The following MLXIP variants were observed in gnomAD, a reference collection of about 807,000 sequenced individuals.
MLXIP encodes MLX interacting protein.
Under a neutral mutation model 87.2 loss-of-function variants are expected in MLXIP, and 30 were observed. That is an observed-to-expected ratio of 0.34 (90% confidence interval 0.26 to 0.47). The LOEUF is 0.47. Ranked by LOEUF, MLXIP falls within the 20% of genes least tolerant of loss-of-function variation. The pLI is 1.00. For synonymous variants in MLXIP, 530 were observed against 514.0 expected, an observed-to-expected ratio of 1.03 and a Z score of -0.42; for missense variants, 1,002 against 1,240.1, an observed-to-expected ratio of 0.81 and a Z score of 2.88.
chr12:122,135,046 T>C lies in MLXIP; in HGVS notation c.1733-178T>C, dbSNP rs1464421383. On this transcript the variant is annotated intron_variant, in intron 9 of 16. Transcript: ENST00000319080. The surrounding 1 kb of genome is among the most constrained non-coding windows in gnomAD (Gnocchi z 5.3). ...TGGTCCTGGCCATCTCTTTCCTGGG[T>C]CTATAACATGTCTCCTTCAAGAAGT... is the stretch of plus-strand genomic sequence containing the variant. 1 of 692,466 alleles carries C rather than the reference T, an allele frequency of 1.4e-6. No individual in the cohort carries two copies. The highest frequency in any genetic ancestry group is 1.6e-5 in the South Asian group (1 of 60,770). 42.9% of individuals were successfully genotyped at this position (692,466 alleles called of 1,614,324 possible). A position where few individuals can be genotyped will look rare whatever the true frequency, so the allele number is the denominator to read the frequency against.
At chr12:122,088,734 C>T (rs563869998) in intron 1 of MLXIP, among the ~76,000 whole-genome samples, 3 of 152,012 alleles carry the variant, frequency 2.0e-5, no homozygotes, top group Admixed American at 6.6e-5. Flanking sequence ...CTAGGCCTGT[C>T]GGTGGGGAAG....
Position 122,082,222 on chromosome 12 carries a change from C to T in MLXIP, c.413+2956C>T, listed in dbSNP as rs889633343. 2.4e-4 allele frequency among the ~76,000 whole-genome samples: 36 copies of T among 152,192 alleles called. 1 individual carries two copies. The highest frequency in any genetic ancestry group is 5.9e-5 in the Non-Finnish European group (4 of 68,034). ...GTAGGGAACCGTGCAGATGGGATTC[C>T]TTGTCCTTCTCACTCAGTTTTGCTG... is the stretch of plus-strand genomic sequence containing the variant. On this transcript the variant is annotated intron_variant, in intron 1 of 16. Transcript: ENST00000319080.
At chr12:122,115,061 T>G (rs1465072098) in intron 1 of MLXIP, among the ~76,000 whole-genome samples, 2 of 151,942 alleles carry the variant, frequency 1.3e-5, no homozygotes, top group Admixed American at 6.6e-5. Context: ...AGACTACTTC[T>G]TTGCTACACA....
At chr12:122,139,588 C>G (rs1953160458) in intron 15 of MLXIP, among the ~76,000 whole-genome samples, 1 of 152,184 alleles carries the variant, frequency 6.6e-6, no homozygotes, top group Admixed American at 6.5e-5. Context: ...GACGGTCGTG[C>G]AGGAGGAGAG....
intron 1 of MLXIP, among the ~76,000 whole-genome samples, chr12:122,121,522 G>C (rs1172365115): frequency 6.6e-6 from 1 of 151,844 alleles, no homozygotes; most frequent in Non-Finnish European, 1.5e-5. Context: ...TGCCCACCTC[G>C]GCCTCCCAAA....
chr12:122,133,674 G>A lies in MLXIP; in HGVS notation c.1419G>A (p.Lys473=). ...CACCCACCTTCCATCAGCCACAGAA[G>A]TTTGCTGGAGTCAACAAAGCGCCGT... The part of the protein sequence containing the change: ...PAPPTFHQPQ[K]FAGVNKAPSV... The change falls in exon 9 of 17, where the codon AAG becomes AAA. Residue 473 remains lysine (K), a synonymous_variant. Coordinates refer to ENST00000319080, the MANE Select transcript of MLXIP (RefSeq NM_014938.6). The surrounding 1 kb of genome is among the most constrained non-coding windows in gnomAD (Gnocchi z 4.9). The A allele has an allele frequency of 6.2e-7, 1 of 1,613,336 alleles. No individual in the cohort carries two copies. Among genetic ancestry groups the A allele is most frequent in the Non-Finnish European group, 8.5e-7 (1 of 1,179,754 alleles).
Position 122,078,829 on chromosome 12 carries a change from G to A in MLXIP, c.-25G>A. The A allele has an allele frequency of 9.5e-7, 1 of 1,053,338 alleles. No homozygotes were observed. The highest frequency in any genetic ancestry group is 4.2e-5 in the South Asian group (1 of 23,886). 65.2% of individuals were successfully genotyped at this position (1,053,338 alleles called of 1,614,324 possible). A position where few individuals can be genotyped will look rare whatever the true frequency, so the allele number is the denominator to read the frequency against. Reference sequence around the variant, plus strand: ...TTGTCGCGTTGCCCCGGGCTCCGGGGGATGCCCCCGGCCGAGCCCTTCTCA... The same window carrying A: ...TTGTCGCGTTGCCCCGGGCTCCGGGAGATGCCCCCGGCCGAGCCCTTCTCA... On this transcript the variant is annotated 5_prime_UTR_variant, in exon 1 of 17. Transcript: ENST00000319080.
chr12:122,138,727 G>T, intron 14 of MLXIP, 88 bp from the exon 15 acceptor site: 1 of 1,539,406 alleles, frequency 6.5e-7, no homozygotes, highest in East Asian at 2.4e-5. Flanking sequence ...GCTGTGGCCC[G>T]GCACTGGGCC....
chr12:122,107,422 A>G (rs1952538462), intron 1 of MLXIP, among the ~76,000 whole-genome samples: 1 of 151,834 alleles, frequency 6.6e-6, no homozygotes, highest in Non-Finnish European at 1.5e-5. Context: ...CTTCCCATCC[A>G]GAGTCACGGT....
chr12:122,125,727 C>G (rs1593102361), intron 1 of MLXIP, among the ~76,000 whole-genome samples: 1 of 152,234 alleles, frequency 6.6e-6, no homozygotes, highest in African/African-American at 2.4e-5. Context: ...ACCCGTTGTG[C>G]AGAGGCTGCT....
chr12:122,140,898 G>A (rs1409079548), intron 15 of MLXIP, 56 bp from the exon 16 acceptor site: 5 of 1,613,786 alleles, frequency 3.1e-6, no homozygotes, highest in Non-Finnish European at 4.2e-6. Flanking sequence ...CCACCTTCGG[G>A]TCTGCAGTCC....
At chr12:122,102,689 A>C (rs1462230830) in intron 1 of MLXIP, among the ~76,000 whole-genome samples, 2 of 152,252 alleles carry the variant, frequency 1.3e-5, no homozygotes, top group Non-Finnish European at 2.9e-5. Context: ...TGGATTAAAC[A>C]ATGTGATATA....
intron 15 of MLXIP, among the ~76,000 whole-genome samples, chr12:122,140,608 C>T (rs1456852938): frequency 6.6e-6 from 1 of 152,146 alleles, no homozygotes; most frequent in African/African-American, 2.4e-5. Flanking sequence ...TCTGCCTTTC[C>T]ACCTGCTCTG....
rs1953313215 is a variant in MLXIP at position 122,146,939 on chromosome 12, A to G, written c.*5127A>G. On this transcript the variant is annotated 3_prime_UTR_variant, in exon 17 of 17. Coordinates refer to ENST00000319080, the MANE Select transcript of MLXIP (RefSeq NM_014938.6). The stretch of plus-strand genomic sequence containing the variant: ...GCCCCACAGCTCCAGGCCATCCCCT[A>G]CGGGCTGCCCACAGTGCCCCCTTTT... The G allele has an allele frequency of 6.6e-6, 1 of 152,346 alleles. No homozygotes were observed. Among genetic ancestry groups the G allele is most frequent in the Non-Finnish European group, 1.5e-5 (1 of 68,046 alleles). 9.4% of individuals were successfully genotyped at this position (152,346 alleles called of 1,614,324 possible). A position where few individuals can be genotyped will look rare whatever the true frequency, so the allele number is the denominator to read the frequency against.
At chr12:122,090,003 G>C (rs1322288564) in intron 1 of MLXIP, among the ~76,000 whole-genome samples, 1 of 152,166 alleles carries the variant, frequency 6.6e-6, no homozygotes, top group African/African-American at 2.4e-5. Flanking sequence ...CTTAAGTCTT[G>C]GTGCCCATGA....
At chr12:122,094,019 T>G in intron 1 of MLXIP, among the ~76,000 whole-genome samples, 1 of 138,796 alleles carries the variant, frequency 7.2e-6, no homozygotes, top group African/African-American at 2.8e-5. Context: ...GTGTGCAGGG[T>G]GTGGGTGTAT....
chr12:122,113,330 G>A (rs1217776500), intron 1 of MLXIP, among the ~76,000 whole-genome samples: 1 of 152,170 alleles, frequency 6.6e-6, no homozygotes, highest in Non-Finnish European at 1.5e-5. Context: ...TGAGTTCACA[G>A]TTCACTGCAG....
rs374933482 is a variant in MLXIP at position 122,104,887 on chromosome 12, T to G, written c.414-22369T>G. On this transcript the variant is annotated intron_variant, in intron 1 of 16. Coordinates refer to ENST00000319080, the MANE Select transcript of MLXIP (RefSeq NM_014938.6). ...GAGCCACCACACCCGGCCAGCCTTT[T>G]TTCTTGTAGAAGAATCCTTCTGCCT... Among the ~76,000 whole-genome samples, 68 of 152,278 alleles carry G rather than the reference T, an allele frequency of 4.5e-4. No individual in the cohort carries two copies. The South Asian group carries it at 4.8e-3, about 11-fold the overall frequency.
chr12:122,091,573 T>A (rs1316219785), intron 1 of MLXIP, among the ~76,000 whole-genome samples: 1 of 152,176 alleles, frequency 6.6e-6, no homozygotes, highest in Non-Finnish European at 1.5e-5. Context: ...TTTTTCTTCT[T>A]TTATCTGGGT....
Sources: gnomAD v4.1 joint callset for allele counts (sites outside exome capture counted in the v4.1 genomes callset) on GRCh38, gnomAD v4.1.1 for gene constraint, Gnocchi (gnomAD v3.1) non-coding constraint, MANE v1.5 for transcripts, NCBI Gene and HGNC (gene_info 2026-07-23, HGNC 2026-07-21) for gene names.